Variants in RFX4 observed in about 807,000 individuals in gnomAD.
RFX4 encodes the protein regulatory factor X4, also known as transcription factor RFX4.
Under a neutral mutation model 95.0 loss-of-function variants are expected in RFX4, and 10 were observed. The ratio of observed to expected loss-of-function variants is 0.11; its 90% CI spans 0.06 to 0.18. The LOEUF (loss-of-function observed/expected upper bound fraction) is 0.18, where lower values mean the gene tolerates loss of function less well. Among genes scored for constraint, RFX4 ranks in the 10% least tolerant of loss-of-function variants. RFX4 has a pLI of 1.00. For synonymous variants in RFX4, 321 were observed against 340.7 expected (o/e 0.94, Z 0.64); for missense variants, 640 against 922.0 (o/e 0.69, Z 3.96).
At chr12:106,701,915 C>G (rs949048797) in intron 8 of RFX4, among the ~76,000 whole-genome samples, 1 of 151,978 alleles carries the variant, frequency 6.6e-6, no homozygotes, top group Non-Finnish European at 1.5e-5. Context: ...ACTCAAGATG[C>G]TGAGGCGGGA....
At chr12:106,587,059 G>C (rs1481974786) in intron 1 of RFX4, among the ~76,000 whole-genome samples, 1 of 152,250 alleles carries the variant, frequency 6.6e-6, no homozygotes, top group Non-Finnish European at 1.5e-5. Flanking sequence ...TTTGGCAGCG[G>C]GGTCAAGTGA....
At chr12:106,606,825 C>G (rs935393290) in intron 1 of RFX4, among the ~76,000 whole-genome samples, 1 of 152,180 alleles carries the variant, frequency 6.6e-6, no homozygotes, top group Non-Finnish European at 1.5e-5. Flanking sequence ...GACATTTCTC[C>G]CAGCTGTTGG....
At chr12:106,748,009 G>C (rs913347615) in intron 16 of RFX4, among the ~76,000 whole-genome samples, 2 of 152,042 alleles carry the variant, frequency 1.3e-5, no homozygotes, top group South Asian at 2.1e-4. Flanking sequence ...CAGGAAGGGT[G>C]CTACCCTTTG....
At chr12:106,636,621 A>G (rs969050327) in intron 2 of RFX4, among the ~76,000 whole-genome samples, 5 of 152,194 alleles carry the variant, frequency 3.3e-5, no homozygotes, top group African/African-American at 1.2e-4. Flanking sequence ...AGCATCATGA[A>G]CAAGTGTTGA....
intron 2 of RFX4, among the ~76,000 whole-genome samples, chr12:106,620,285 T>A (rs2040156271): frequency 6.6e-6 from 1 of 152,140 alleles, no homozygotes; most frequent in Admixed American, 6.5e-5. Flanking sequence ...CAACGTAGGT[T>A]CTATTTTCCA....
In RFX4 at chr12:106,644,111, C is replaced by T. The variant is rs569445325; in HGVS notation, c.191+4719C>T. On this transcript the variant is annotated intron_variant, in intron 3 of 17. Transcript: ENST00000392842. Reference sequence around the variant, plus strand: ...TTATGCTGTATTGATCCACTACTTGCTTTCTTCCTTAGTAGAATGTCCTGA... The same window carrying T: ...TTATGCTGTATTGATCCACTACTTGTTTTCTTCCTTAGTAGAATGTCCTGA... 3.9e-5 allele frequency among the ~76,000 whole-genome samples: 6 copies of T among 152,246 alleles called. No individual in the cohort carries two copies. The South Asian group carries it at 1.2e-3, about 32-fold the overall frequency.
At chr12:106,603,130 T>G (rs890921607) in intron 1 of RFX4, among the ~76,000 whole-genome samples, 5 of 152,230 alleles carry the variant, frequency 3.3e-5, no homozygotes, top group Non-Finnish European at 7.3e-5. Flanking sequence ...TCTAAGAGGT[T>G]GCTGTCAGTG....
intron 3 of RFX4, among the ~76,000 whole-genome samples, chr12:106,644,949 G>T (rs2040713416): frequency 6.6e-6 from 1 of 151,516 alleles, no homozygotes; most frequent in African/African-American, 2.4e-5. Flanking sequence ...TGACAGTGTC[G>T]AGCTCTCCTG....
At position 106,689,278 on chromosome 12, in the gene RFX4, C is replaced by A. The variant is rs370822501; in HGVS notation, c.592-9C>A. 32 of 1,607,486 alleles carry A rather than the reference C, an allele frequency of 2.0e-5. No individual in the cohort carries two copies. The highest frequency in any genetic ancestry group is 2.6e-5 in the Non-Finnish European group (31 of 1,174,172). On this transcript the variant is annotated splice_polypyrimidine_tract_variant and intron_variant, in intron 6 of 17. Transcript: ENST00000392842. ...GTCTTTGTTGTTGATCCTCTACACA[C>A]CCCCACAGGTTTCTACCTTTATTAT...
chr12:106,728,583 G>A (rs1445322579), intron 13 of RFX4, among the ~76,000 whole-genome samples: 1 of 152,066 alleles, frequency 6.6e-6, no homozygotes, highest in Non-Finnish European at 1.5e-5. Flanking sequence ...TAACTTCGAT[G>A]GTGAGAAATG....
At chr12:106,727,518 G>A (rs2042525358) in intron 13 of RFX4, among the ~76,000 whole-genome samples, 1 of 151,924 alleles carries the variant, frequency 6.6e-6, no homozygotes, top group Admixed American at 6.6e-5. Flanking sequence ...GAATTAGAAA[G>A]GAAAACACAA....
intron 1 of RFX4, among the ~76,000 whole-genome samples, chr12:106,585,050 C>T (rs2039434302): frequency 6.6e-6 from 1 of 152,276 alleles, no homozygotes; most frequent in African/African-American, 2.4e-5. Context: ...CCCTCACCAC[C>T]TCCTGAGAAC....
At chr12:106,648,290 G>A (rs2040788524) in intron 3 of RFX4, among the ~76,000 whole-genome samples, 1 of 152,120 alleles carries the variant, frequency 6.6e-6, no homozygotes, top group Admixed American at 6.6e-5. Context: ...CGTGTGTGTG[G>A]GTGGAAGGTG....
chr12:106,741,720 A>G (rs1020924214), intron 15 of RFX4, among the ~76,000 whole-genome samples: 3 of 152,180 alleles, frequency 2.0e-5, no homozygotes, highest in Non-Finnish European at 4.4e-5. Flanking sequence ...CCTCCTAAGG[A>G]AAAGGTTAAA....
At chr12:106,690,644 T>A (rs1043985298) in intron 7 of RFX4, among the ~76,000 whole-genome samples, 1 of 152,178 alleles carries the variant, frequency 6.6e-6, no homozygotes, top group African/African-American at 2.4e-5. Flanking sequence ...GTCCTCTTTG[T>A]TCAGCTGATG....
intron 3 of RFX4, among the ~76,000 whole-genome samples, chr12:106,650,845 C>T (rs2040843736): frequency 6.6e-6 from 1 of 152,002 alleles, no homozygotes; most frequent in African/African-American, 2.4e-5. Flanking sequence ...ACGTATTAAG[C>T]TTTAAATTAA....
intron 2 of RFX4, among the ~76,000 whole-genome samples, chr12:106,630,399 G>C (rs1252296998): frequency 6.6e-6 from 1 of 152,180 alleles, no homozygotes; most frequent in Non-Finnish European, 1.5e-5. Flanking sequence ...AGCAGGTGTG[G>C]GCCCCTCACA....
chr12:106,714,208 G>GGTAGGTACTA (rs1463109350), intron 10 of RFX4, among the ~76,000 whole-genome samples: 1 of 150,910 alleles, frequency 6.6e-6, no homozygotes, highest in African/African-American at 2.4e-5. Flanking sequence ...AAAAAAAAAA[G>GGTAGGTACTA]GTAGGTACTA....
In RFX4 at chr12:106,761,162, T is replaced by C. The variant is rs1238906411; in HGVS notation, c.1936-35T>C. 3 of 1,598,632 alleles carry C rather than the reference T, an allele frequency of 1.9e-6. No individual in the cohort carries two copies. The South Asian group carries it at 3.3e-5, about 18-fold the overall frequency. ...TTGTGTATATGCAACCTCAAGCTAATTTTAACTTTGTGGAATTTCTTTCCC... is the reference window on the plus strand; with the variant it reads ...TTGTGTATATGCAACCTCAAGCTAACTTTAACTTTGTGGAATTTCTTTCCC... On this transcript the variant is annotated intron_variant, in intron 17 of 17. Transcript: ENST00000392842.
Sources: gnomAD v4.1 joint callset for allele counts (sites outside exome capture counted in the v4.1 genomes callset) on GRCh38, gnomAD v4.1.1 for gene constraint, MANE v1.5 for transcripts, NCBI Gene and HGNC (gene_info 2026-07-23, HGNC 2026-07-21) for gene names.